GABRB3: variants seen among roughly 807,000 people sequenced by gnomAD.
GABRB3 encodes the protein gamma-aminobutyric acid type A receptor subunit beta3.
A neutral mutation model predicts 52.1 loss-of-function variants in GABRB3; 14 were observed. The observed-to-expected ratio is 0.27, with a 90% confidence interval of 0.18 to 0.42. The LOEUF is 0.42. Among genes scored for constraint, GABRB3 ranks in the 10% least tolerant of loss-of-function variants. GABRB3 has a pLI of 1.00. For missense variants in GABRB3, 307 were observed against 609.1 expected, an observed-to-expected ratio of 0.50 and a Z score of 5.22; for synonymous variants, 260 against 232.3, an observed-to-expected ratio of 1.12 and a Z score of -1.08.
intron 3 of GABRB3, among the ~76,000 whole-genome samples, chr15:26,763,673 C>A (rs1421753036): frequency 1.3e-5 from 2 of 150,006 alleles, no homozygotes; most frequent in Non-Finnish European, 1.5e-5. Flanking sequence ...AAACTTGTTC[C>A]TTCTACTCAT....
At chr15:26,693,883 A>C (rs1305125888) in intron 3 of GABRB3, among the ~76,000 whole-genome samples, 1 of 152,138 alleles carries the variant, frequency 6.6e-6, no homozygotes, top group African/African-American at 2.4e-5. Context: ...TTTCCCACCA[A>C]TAGGCCCATC....
chr15:26,709,515 C>CTTTTTTTTTTTTT (rs57044167), intron 3 of GABRB3, among the ~76,000 whole-genome samples: 27 of 91,994 alleles, frequency 2.9e-4, no homozygotes, highest in African/African-American at 8.7e-4. Flanking sequence ...TTTTTTCTTT[C>CTTTTTTTTTTTTT]TTTTTTTTTT....
intron 3 of GABRB3, among the ~76,000 whole-genome samples, chr15:26,765,366 A>G (rs1890969516): frequency 6.6e-6 from 1 of 152,174 alleles, no homozygotes; most frequent in Admixed American, 6.5e-5. Flanking sequence ...GCTACAGAAT[A>G]CTTTACAGAC....
At chr15:26,660,663 T>C (rs1887513477) in intron 3 of GABRB3, among the ~76,000 whole-genome samples, 1 of 151,968 alleles carries the variant, frequency 6.6e-6, no homozygotes, top group African/African-American at 2.4e-5. Flanking sequence ...CAACTTGGGT[T>C]GTAGATCTGG....
At chr15:26,554,021 T>TTTTTTATATATATATATATATATATATA (rs1555400756) in intron 8 of GABRB3, among the ~76,000 whole-genome samples, 3 of 23,668 alleles carry the variant, frequency 1.3e-4, no homozygotes, top group African/African-American at 5.5e-4. Context: ...ACCTGACTAT[T>TTTTTTATATATATATATATATATATATA]TATATATATA....
rs1431529413 is a variant in GABRB3, at chr15:26,772,479, G to A, written c.173-10C>T. Reference sequence around the variant, plus strand: ...ACGCAGACCGGGGGACCTGCGGGAAGCACAGGACACGGCGATCAGCCCAGC... The same window carrying A: ...ACGCAGACCGGGGGACCTGCGGGAAACACAGGACACGGCGATCAGCCCAGC... On this transcript the variant is annotated splice_polypyrimidine_tract_variant and intron_variant, in intron 2 of 8. Transcript: ENST00000311550. 3.1e-6 allele frequency: 5 copies of A among 1,609,526 alleles called. No individual in the cohort carries two copies. In the African/African-American group the frequency reaches 4.0e-5, roughly 13 times the overall value.
At position 26,621,997 on chromosome 15, in the gene GABRB3, G is replaced by A. The variant is rs536957495; in HGVS notation, c.241-463C>T. On this transcript the variant is annotated intron_variant, in intron 3 of 8. Transcript: ENST00000311550. This position sits in a 1 kb window ranked among gnomAD's most constrained non-coding sequence, Gnocchi z 4.1. ...TTTCCTCTGGTTCTGCCCTCCATGA[G>A]GGCTATAAATACAAACCTTCCATAA... is the stretch of plus-strand genomic sequence containing the variant. Among the ~76,000 whole-genome samples, 2 of 152,208 alleles carry A rather than the reference G, an allele frequency of 1.3e-5. No homozygotes were observed. The highest frequency in any genetic ancestry group is 2.1e-4 in the South Asian group (1 of 4,820).
intron 4 of GABRB3, among the ~76,000 whole-genome samples, chr15:26,595,604 C>G (rs549834648): frequency 6.6e-5 from 10 of 152,242 alleles, no homozygotes; most frequent in South Asian, 4.1e-4. Context: ...GGGACAAGAG[C>G]TTGGAGCTTT....
chr15:26,569,395 T>G (rs1052478617), intron 6 of GABRB3: 2 of 152,240 alleles, frequency 1.3e-5, no homozygotes, highest in Non-Finnish European at 2.9e-5. Flanking sequence ...ACAGCTCTGA[T>G]CAAATGCATA....
chr15:26,708,558 A>C (rs1170139605), intron 3 of GABRB3, among the ~76,000 whole-genome samples: 1 of 152,208 alleles, frequency 6.6e-6, no homozygotes, highest in Non-Finnish European at 1.5e-5. Context: ...GCTATATGGG[A>C]GGGGGTGAAA....
At chr15:26,561,308 G>T in intron 7 of GABRB3, 132 bp from the exon 8 acceptor site, 1 of 1,226,084 alleles carries the variant, frequency 8.2e-7, no homozygotes, top group Non-Finnish European at 1.2e-6. Flanking sequence ...GGGGTGACTG[G>T]AATGCAACAG....
chr15:26,616,181 G>A (rs944417703), intron 4 of GABRB3: 2 of 854,760 alleles, frequency 2.3e-6, no homozygotes, highest in African/African-American at 3.5e-5. Context: ...GTGGGCCTTG[G>A]GGCCAAGGAG....
intron 3 of GABRB3, among the ~76,000 whole-genome samples, chr15:26,763,917 G>C (rs1050318449): frequency 2.0e-5 from 3 of 151,372 alleles, no homozygotes; most frequent in Non-Finnish European, 4.4e-5. Context: ...AGGCCGAGGC[G>C]GGTGGATCAC....
chr15:26,555,088 G>A (rs189133027), intron 8 of GABRB3, among the ~76,000 whole-genome samples: 11 of 152,268 alleles, frequency 7.2e-5, no homozygotes, highest in Middle Eastern at 6.8e-3. Flanking sequence ...GGAGGCTGAG[G>A]CAGGAGAATC....
At chr15:26,548,539 T>C (rs1889344779) in intron 8 of GABRB3, among the ~76,000 whole-genome samples, 2 of 152,172 alleles carry the variant, frequency 1.3e-5, no homozygotes, top group Non-Finnish European at 2.9e-5. Flanking sequence ...AGTCATCTTG[T>C]TCCCTTTTCT....
chr15:26,715,265 C>A (rs11630462), intron 3 of GABRB3, among the ~76,000 whole-genome samples: 70,734 of 151,926 alleles, frequency 0.47, 18,355 homozygotes, highest in Non-Finnish European at 0.58. Context: ...TCAGAAAAAT[C>A]TGAGAGACAG....
At chr15:26,620,728 G>C (rs942868516) in intron 4 of GABRB3, among the ~76,000 whole-genome samples, 1 of 152,174 alleles carries the variant, frequency 6.6e-6, no homozygotes, top group African/African-American at 2.4e-5. Context: ...GCGGTTTCCA[G>C]GGCAACCAGG....
At chr15:26,757,135 A>G (rs1719235022) in intron 3 of GABRB3, among the ~76,000 whole-genome samples, 2 of 152,190 alleles carry the variant, frequency 1.3e-5, no homozygotes, top group Admixed American at 6.5e-5. Context: ...GTATTTAAAG[A>G]AAGAAAATTC....
rs1889192069 is a variant in GABRB3 at position 26,545,293 on chromosome 15, A to G, written c.*2500T>C. 1 of 152,470 alleles carries G rather than the reference A, an allele frequency of 6.6e-6. No individual in the cohort carries two copies. The allele number at this position is 152,470 out of a possible 1,614,324, so 9.4% of individuals were successfully genotyped here. A position where few individuals can be genotyped will look rare whatever the true frequency, so the allele number is the denominator to read the frequency against. On this transcript the variant is annotated 3_prime_UTR_variant, in exon 9 of 9. Coordinates refer to ENST00000311550, the MANE Select transcript of GABRB3 (RefSeq NM_000814.6). ...CAGTGTCTACAAAGTTGTGGATCCCAGTCTTGGTGCCAAATGCATATAAAA... is the reference window on the plus strand; with the variant it reads ...CAGTGTCTACAAAGTTGTGGATCCCGGTCTTGGTGCCAAATGCATATAAAA...
Sources: allele counts gnomAD v4.1 joint callset (sites outside exome capture counted in the v4.1 genomes callset), GRCh38; gene constraint gnomAD v4.1.1; non-coding constraint Gnocchi (gnomAD v3.1); transcripts MANE v1.5; gene names NCBI Gene and HGNC (gene_info 2026-07-23, HGNC 2026-07-21).